TENM2: variants seen among roughly 807,000 people sequenced by gnomAD.
TENM2 encodes teneurin-2.
TENM2 carries 52 observed loss-of-function variants against 245.2 expected under a neutral mutation model. That is an observed-to-expected ratio of 0.21 (90% confidence interval 0.17 to 0.27). The LOEUF is 0.27. Ranked by LOEUF, TENM2 falls within the 10% of genes least tolerant of loss-of-function variation. The probability of loss-of-function intolerance (pLI) is 1.00; values close to 1 mark genes in which losing one functional copy is unlikely to be tolerated. For synonymous variants in TENM2, 1,363 were observed against 1,438.9 expected (o/e 0.95, Z 1.19); for missense variants, 3,046 against 3,666.8 (o/e 0.83, Z 4.37).
the TENM2 span, among the ~76,000 whole-genome samples, chr5:167,187,609 C>T: frequency 6.6e-6 from 1 of 152,060 alleles, no homozygotes; most frequent in East Asian, 1.9e-4. Context: ...GGTCTCTCTC[C>T]TCCCTATGAT....
At chr5:167,166,948 G>A in the TENM2 span, among the ~76,000 whole-genome samples, 14 of 152,124 alleles carry the variant, frequency 9.2e-5, no homozygotes, top group African/African-American at 2.9e-4. Context: ...GGCTAGATGA[G>A]CAAAGCCATA....
chr5:167,369,949 A>G (rs1193985707), intron 1 of TENM2, among the ~76,000 whole-genome samples: 1 of 152,208 alleles, frequency 6.6e-6, no homozygotes, highest in East Asian at 1.9e-4. Context: ...TAAAGCCATG[A>G]TCACAATGCA....
intron 2 of TENM2, among the ~76,000 whole-genome samples, chr5:167,809,537 A>G (rs78005956): frequency 0.029 from 4,406 of 152,254 alleles, 248 homozygotes; most frequent in East Asian, 0.18. Flanking sequence ...TTGTGTTGTG[A>G]TCCCAAATGG....
intron 19 of TENM2, among the ~76,000 whole-genome samples, chr5:168,208,611 A>G (rs1163645845): frequency 3.9e-5 from 6 of 152,236 alleles, no homozygotes; most frequent in Non-Finnish European, 8.8e-5. Context: ...CACTTAAAGA[A>G]CGGAAATGCT....
rs1263093925 is a variant in TENM2 at position 167,741,758 on chromosome 5, AC to A, written c.503-134226del. Among the ~76,000 whole-genome samples the A allele has an allele frequency of 3.0e-4, 46 of 152,256 alleles. 1 individual carries two copies. The highest frequency in any genetic ancestry group is 1.0e-3 in the African/African-American group (42 of 41,536). On this transcript the variant is annotated intron_variant, in intron 2 of 28. Coordinates refer to ENST00000518659, the Ensembl canonical transcript of TENM2. ...TTCTTCTCAAGAAGAAAAAAATCAG[AC>A]CTCACTGACGCTTCACCATCTTCAG...
At chr5:167,890,489 C>G (rs1372563380) in intron 3 of TENM2, among the ~76,000 whole-genome samples, 1 of 152,146 alleles carries the variant, frequency 6.6e-6, no homozygotes, top group East Asian at 1.9e-4. Flanking sequence ...AGCTTGCAAA[C>G]CAGTTTGATT....
At chr5:167,869,259 G>A (rs1408713869) in intron 2 of TENM2, among the ~76,000 whole-genome samples, 1 of 152,188 alleles carries the variant, frequency 6.6e-6, no homozygotes, top group African/African-American at 2.4e-5. Flanking sequence ...TTGGAGCCCA[G>A]GGTTTTATTT....
chr5:167,244,720 T>C, the TENM2 span, among the ~76,000 whole-genome samples: 2 of 152,178 alleles, frequency 1.3e-5, no homozygotes, highest in East Asian at 3.9e-4. Context: ...GGTGCTGGGC[T>C]TTTAGTGAGG....
At chr5:167,918,427 C>G (rs1777109645) in intron 3 of TENM2, among the ~76,000 whole-genome samples, 2 of 152,192 alleles carry the variant, frequency 1.3e-5, no homozygotes, top group South Asian at 4.1e-4. Context: ...GACACGTCAC[C>G]ACCTGCACGT....
intron 2 of TENM2, among the ~76,000 whole-genome samples, chr5:167,671,160 C>A (rs1456381583): frequency 6.6e-6 from 1 of 152,100 alleles, no homozygotes; most frequent in Non-Finnish European, 1.5e-5. Context: ...CTGACACACA[C>A]CTACCCCACC....
Position 168,012,266 on chromosome 5 carries a change from T to G in TENM2, c.1186+19084T>G, listed in dbSNP as rs75819149. On this transcript the variant is annotated intron_variant, in intron 5 of 28. Transcript: ENST00000518659. ...GACACATTCCTTAGCTAGTACTCCA[T>G]TGTAAAACAATCCATGTCAGGGCAC... 2.2e-4 allele frequency among the ~76,000 whole-genome samples: 34 copies of G among 152,274 alleles called. 1 individual carries two copies. The East Asian group carries it at 6.0e-3, about 27-fold the overall frequency.
intron 2 of TENM2, among the ~76,000 whole-genome samples, chr5:167,676,333 C>T (rs189729820): frequency 4.6e-5 from 7 of 152,106 alleles, no homozygotes; most frequent in Admixed American, 2.0e-4. Context: ...CTTCATCCAT[C>T]GCTAAACAAT....
intron 15 of TENM2, among the ~76,000 whole-genome samples, chr5:168,195,754 CT>C (rs1761378676): frequency 6.6e-6 from 1 of 151,950 alleles, no homozygotes; most frequent in African/African-American, 2.4e-5. Context: ...TCATCTGTGG[CT>C]TTAGGAGTTG....
intron 2 of TENM2, among the ~76,000 whole-genome samples, chr5:167,485,179 C>T (rs1767983074): frequency 6.6e-6 from 1 of 152,086 alleles, no homozygotes; most frequent in South Asian, 2.1e-4. Context: ...TGGTAATTCA[C>T]AAGTAGTAGA....
chr5:168,197,564 G>A (rs535578373), intron 15 of TENM2, among the ~76,000 whole-genome samples: 1 of 152,204 alleles, frequency 6.6e-6, no homozygotes, highest in South Asian at 2.1e-4. Flanking sequence ...GCCAGGCATC[G>A]TGGCAGGCGC....
chr5:167,125,535 T>A, the TENM2 span, among the ~76,000 whole-genome samples: 1 of 152,350 alleles, frequency 6.6e-6, no homozygotes, highest in East Asian at 1.9e-4. Flanking sequence ...ACAAAATGTT[T>A]TTGCACAGTT....
chr5:167,798,556 T>G (rs1370702956), intron 2 of TENM2, among the ~76,000 whole-genome samples: 2 of 152,172 alleles, frequency 1.3e-5, no homozygotes, highest in Non-Finnish European at 2.9e-5. Context: ...AAGCCCCTTC[T>G]GTGGGTGGCA....
intron 5 of TENM2, among the ~76,000 whole-genome samples, chr5:167,994,490 A>AT (rs1352424435): frequency 6.6e-6 from 1 of 152,228 alleles, no homozygotes; most frequent in East Asian, 1.9e-4. Context: ...AAGGGGCATG[A>AT]CTGTGCACCC....
intron 2 of TENM2, among the ~76,000 whole-genome samples, chr5:167,408,816 A>G (rs1169802022): frequency 6.7e-6 from 1 of 150,130 alleles, no homozygotes; most frequent in African/African-American, 2.4e-5. Flanking sequence ...TTTAATATGT[A>G]TCTATAGTGT....
Sources: gnomAD v4.1 joint callset for allele counts (sites outside exome capture counted in the v4.1 genomes callset) on GRCh38, gnomAD v4.1.1 for gene constraint, MANE v1.5 for transcripts, NCBI Gene and HGNC (gene_info 2026-07-23, HGNC 2026-07-21) for gene names.